The following SORD variants were observed in gnomAD, a reference collection of about 807,000 sequenced individuals.
SORD encodes the protein (R,R)-butanediol dehydrogenase.
In SORD, 18 loss-of-function variants were observed where a neutral mutation model predicts 35.6. That is an observed-to-expected ratio of 0.51 (90% confidence interval 0.35 to 0.75). SORD has a LOEUF of 0.75. SORD is among the 30% of genes least tolerant of loss of function. The pLI is 0.01. For synonymous variants in SORD, 106 were observed against 152.9 expected (o/e 0.69, Z 2.26); for missense variants, 250 against 390.2 (o/e 0.64, Z 3.03).
At chr15:45,058,730 A>G (rs1893255774) in intron 3 of SORD, 2 of 152,254 alleles carry the variant, frequency 1.3e-5, no homozygotes, top group Non-Finnish European at 2.9e-5. Context: ...TCTCAGCAGC[A>G]GAGCAGGAGA....
At chr15:45,042,640 C>T (rs1395555029) in intron 2 of SORD, among the ~76,000 whole-genome samples, 4 of 152,258 alleles carry the variant, frequency 2.6e-5, no homozygotes, top group South Asian at 2.1e-4. Context: ...CCACGAATCA[C>T]GCGTAGCATA....
chr15:45,050,095 T>C (rs2141274317), intron 3 of SORD, among the ~76,000 whole-genome samples: 1 of 152,360 alleles, frequency 6.6e-6, no homozygotes, highest in Non-Finnish European at 1.5e-5. Context: ...ACTTTTCTTT[T>C]TTTTTGAGAC....
intron 1 of SORD, among the ~76,000 whole-genome samples, chr15:45,029,833 C>T (rs1239638522): frequency 6.6e-6 from 1 of 152,252 alleles, no homozygotes; most frequent in African/African-American, 2.4e-5. Context: ...GGCAGGTCAT[C>T]TTCCCAGAAG....
At chr15:45,027,972 T>C (rs1451213115) in intron 1 of SORD, among the ~76,000 whole-genome samples, 2 of 152,260 alleles carry the variant, frequency 1.3e-5, no homozygotes, top group African/African-American at 4.8e-5. Context: ...TTTTACTTTT[T>C]CCAGTCGGCC....
chr15:45,069,733 G>A (rs894050446), intron 7 of SORD: 9 of 152,300 alleles, frequency 5.9e-5, no homozygotes, highest in Non-Finnish European at 1.0e-4. Flanking sequence ...GGAAATCCCC[G>A]TCTTATTTTA....
At chr15:45,068,305 T>G (rs1595509088) in intron 6 of SORD, 59 bp downstream of exon 6, 1 of 1,255,724 alleles carries the variant, frequency 8.0e-7, no homozygotes, top group East Asian at 2.3e-5. Flanking sequence ...CTACTGTATG[T>G]GCATGTGTGA....
chr15:45,034,566 C>T (rs111332232), intron 1 of SORD, among the ~76,000 whole-genome samples: 1 of 152,232 alleles, frequency 6.6e-6, no homozygotes, highest in Admixed American at 6.5e-5. Flanking sequence ...TCCATGTCCC[C>T]GCAGAGAGTA....
chr15:45,070,078 T>C (rs2262193), intron 7 of SORD: 16 of 152,258 alleles, frequency 1.1e-4, no homozygotes, highest in East Asian at 3.9e-4. Flanking sequence ...ATCTGCACAA[T>C]AGCCCTGAAA....
At chr15:45,035,103 GCCTGAC>G (rs761692385) in intron 1 of SORD, among the ~76,000 whole-genome samples, 28 of 152,276 alleles carry the variant, frequency 1.8e-4, no homozygotes, top group Admixed American at 5.9e-4. Context: ...AGCCCGCCAT[GCCTGAC>G]CCTTCCCCCG....
At chr15:45,035,465 G>A (rs112917687) in intron 1 of SORD, among the ~76,000 whole-genome samples, 15 of 151,954 alleles carry the variant, frequency 9.9e-5, no homozygotes, top group African/African-American at 3.6e-4. Flanking sequence ...TAGCTAATCT[G>A]GGGGGGAGGT....
At chr15:45,031,446 T>C (rs1449974656) in intron 1 of SORD, among the ~76,000 whole-genome samples, 2 of 152,224 alleles carry the variant, frequency 1.3e-5, no homozygotes, top group Non-Finnish European at 2.9e-5. Context: ...GTTGTTGCTG[T>C]TCTTCTCCCA....
chr15:45,043,926 G>A (rs538863010), intron 3 of SORD, among the ~76,000 whole-genome samples: 250 of 152,336 alleles, frequency 1.6e-3, no homozygotes, highest in African/African-American at 5.7e-3. Context: ...CCCTGATACC[G>A]TGAATTAAAT....
rs1330348599 is a variant in SORD, at chr15:45,068,769, G to C, written c.611-108G>C. ...CTCAACACCACCACCCATTGCACGA[G>C]AGCTTTGTTGCCATCAGATCTTACA... On this transcript the variant is annotated intron_variant, in intron 6 of 8. Transcript: ENST00000267814. The C allele has an allele frequency of 4.3e-6, 6 of 1,395,442 alleles. No homozygotes were observed. The East Asian group carries it at 1.0e-4, about 24-fold the overall frequency. The allele number at this position is 1,395,442 out of a possible 1,614,324, so 86.4% of individuals were successfully genotyped here. A position where few individuals can be genotyped will look rare whatever the true frequency, so the allele number is the denominator to read the frequency against.
chr15:45,061,351 A>G lies in SORD; in HGVS notation c.425+125A>G, dbSNP rs556685265. On this transcript the variant is annotated intron_variant, in intron 4 of 8. Coordinates refer to ENST00000267814, the MANE Select transcript of SORD (RefSeq NM_003104.6). ...ATTCCAAACATGAGGCATCACCTGG[A>G]CAGGCTACTCTTCTTGGTGGCATTG... 7.2e-4 allele frequency: 732 copies of G among 1,011,194 alleles called. 4 individuals carry two copies. The highest frequency in any genetic ancestry group is 3.2e-3 in the South Asian group (203 of 63,760). The allele number at this position is 1,011,194 out of a possible 1,614,324, so 62.6% of individuals were successfully genotyped here. A position where few individuals can be genotyped will look rare whatever the true frequency, so the allele number is the denominator to read the frequency against.
At chr15:45,031,514 C>G (rs1892786271) in intron 1 of SORD, among the ~76,000 whole-genome samples, 1 of 152,264 alleles carries the variant, frequency 6.6e-6, no homozygotes, top group East Asian at 1.9e-4. Flanking sequence ...ACGGGCAGAG[C>G]TTCTACAGGC....
At chr15:45,037,356 C>A (rs141384588) in intron 1 of SORD, among the ~76,000 whole-genome samples, 1,917 of 152,208 alleles carry the variant, frequency 0.013, 29 homozygotes, top group Non-Finnish European at 0.016. Flanking sequence ...CTCTAGTGAC[C>A]CAGGGCCTAT....
Position 45,075,949 on chromosome 15 carries a change from A to T in SORD, c.*2419A>T, listed in dbSNP as rs1595512453. 5.6e-5 allele frequency: 1 copy of T among 17,864 alleles called. No individual in the cohort carries two copies. The highest frequency in any genetic ancestry group is 9.7e-5 in the Non-Finnish European group (1 of 10,322). The allele number at this position is 17,864 out of a possible 1,614,324, so 1.1% of individuals were successfully genotyped here. A position where few individuals can be genotyped will look rare whatever the true frequency, so the allele number is the denominator to read the frequency against. ...GAGGTGGGCTGCAAGAGGGAATTAGAGGAGCCAACATGTCCTCTTTCTCCT... is the reference window on the plus strand; with the variant it reads ...GAGGTGGGCTGCAAGAGGGAATTAGTGGAGCCAACATGTCCTCTTTCTCCT... On this transcript the variant is annotated 3_prime_UTR_variant, in exon 9 of 9. Transcript: ENST00000267814.
rs759055283 is a variant in SORD at position 45,061,061 on chromosome 15, C to T, written c.266-6C>T. On this transcript the variant is annotated splice_region_variant and splice_polypyrimidine_tract_variant and intron_variant, in intron 3 of 8. Transcript: ENST00000267814. ...GACATGGTGCCATCTTTGTTTTCCT[C>T]TCCAGGTGATCGTGTTGCCATCGAG... 9.9e-6 allele frequency: 16 copies of T among 1,614,148 alleles called. No homozygotes were observed. Among genetic ancestry groups the T allele is most frequent in the African/African-American group, 1.3e-5 (1 of 75,072 alleles).
Position 45,064,938 on chromosome 15 carries a change from T to C in SORD, c.426-333T>C, listed in dbSNP as rs147451306. ...ATGTTGCCTTCTTCAGATGGGGACA[T>C]TGTGGCATGGGTTCTGTGATGAGAA... On this transcript the variant is annotated intron_variant, in intron 4 of 8. Transcript: ENST00000267814. 8.5e-3 allele frequency among the ~76,000 whole-genome samples: 1,302 copies of C among 152,338 alleles called. 15 individuals carry two copies. The highest frequency in any genetic ancestry group is 0.03 in the African/African-American group (1,240 of 41,560).
Sources: allele counts gnomAD v4.1 joint callset (sites outside exome capture counted in the v4.1 genomes callset), GRCh38; gene constraint gnomAD v4.1.1; transcripts MANE v1.5; gene names NCBI Gene and HGNC (gene_info 2026-07-23, HGNC 2026-07-21).